Variants in MYH3 observed in about 807,000 individuals in gnomAD.
MYH3 encodes myosin heavy chain 3, also known as myosin-3.
MYH3 carries 130 observed loss-of-function variants against 238.0 expected under a neutral mutation model. That is an observed-to-expected ratio of 0.55 (90% confidence interval 0.47 to 0.63). The LOEUF (loss-of-function observed/expected upper bound fraction) is 0.63, where lower values mean the gene tolerates loss of function less well. Ranked by LOEUF, MYH3 falls within the 30% of genes least tolerant of loss-of-function variation. The pLI is 0.00. For synonymous variants in MYH3, 880 were observed against 924.1 expected (o/e 0.95, Z 0.86); for missense variants, 1,853 against 2,374.9 (o/e 0.78, Z 4.57).
rs1259622357 is a variant in MYH3 at position 10,639,003 on chromosome 17, C to T, written c.3249-40G>A. The T allele has an allele frequency of 4.3e-6, 7 of 1,614,030 alleles. No individual in the cohort carries two copies. In the African/African-American group the frequency reaches 9.3e-5, roughly 22 times the overall value. On this transcript the variant is annotated intron_variant, in intron 25 of 40. Coordinates refer to ENST00000583535, the MANE Select transcript of MYH3 (RefSeq NM_002470.4). ...GTAGAATGCATGAAGACAAAATACA[C>T]AGTAACTTGCAAAATGGAAGCCAGT...
In MYH3 at chr17:10,644,442, A is replaced by G. The variant is rs138736767; in HGVS notation, c.1319T>C (p.Met440Thr). 2 of 1,614,086 alleles carry G rather than the reference A, an allele frequency of 1.2e-6. No individual in the cohort carries two copies. The highest frequency in any genetic ancestry group is 1.7e-6 in the Non-Finnish European group (2 of 1,179,908). The change falls in exon 14 of 41, where the codon ATG (methionine) becomes ACG (threonine). Residue 440 changes from methionine (M) to threonine (T), a missense_variant. By Grantham distance (81) the Met-to-Thr change is moderately conservative (BLOSUM62 -1). Coordinates refer to ENST00000583535, the MANE Select transcript of MYH3 (RefSeq NM_002470.4). ...KSVYEKLFLWMVTRINQQLDT... is the reference protein window; with the variant it reads ...KSVYEKLFLWTVTRINQQLDT... Reference sequence around the variant, plus strand: ...CAGTTGCTGGTTAATGCGAGTGACCATCCACAAGAACAACTTTTCATAAAC... The same window carrying G: ...CAGTTGCTGGTTAATGCGAGTGACCGTCCACAAGAACAACTTTTCATAAAC...
In MYH3 at chr17:10,642,138, C is replaced by A; in HGVS notation, c.1959+102G>T. 9.1e-7 allele frequency: 1 copy of A among 1,095,608 alleles called. No individual in the cohort carries two copies. Among genetic ancestry groups the A allele is most frequent in the Non-Finnish European group, 1.4e-6 (1 of 729,316 alleles). 67.9% of individuals were successfully genotyped at this position (1,095,608 alleles called of 1,614,324 possible). A position where few individuals can be genotyped will look rare whatever the true frequency, so the allele number is the denominator to read the frequency against. The stretch of plus-strand genomic sequence containing the variant: ...CTCAGTGACAGTAATCAGATTAAGA[C>A]AACACTACTACTCTCAAATAAATCA... On this transcript the variant is annotated intron_variant, in intron 17 of 40. Transcript: ENST00000583535. The surrounding 1 kb of genome is among the most constrained non-coding windows in gnomAD (Gnocchi z 5.4).
chr17:10,650,438 T>C (rs1234551457), intron 5 of MYH3, 37 bp from the exon 6 acceptor site: 20 of 1,592,494 alleles, frequency 1.3e-5, no homozygotes, highest in African/African-American at 2.7e-5. Context: ...TTGATGGCAA[T>C]AGAAAAAGAG....
In MYH3 at chr17:10,639,081, C is replaced by G. The variant is rs767803243; in HGVS notation, c.3211G>C (p.Glu1071Gln). The change falls in exon 25 of 41, where the codon GAG becomes CAG. Residue 1071 changes from glutamate to glutamine, a missense_variant. Glu to Gln is a conservative substitution (Grantham distance 29). Transcript: ENST00000583535. Reference protein sequence around the residue: ...KLAQESILDLENDKQQLDERL... With the variant: ...KLAQESILDLQNDKQQLDERL... ...TCGTCCAGCTGTTGCTTGTCATTCT[C>G]CAGATCTAATATGGACTCTTGAGCA... is the stretch of plus-strand genomic sequence containing the variant. 1.2e-6 allele frequency: 2 copies of G among 1,614,204 alleles called. No homozygotes were observed. The highest frequency in any genetic ancestry group is 1.7e-6 in the Non-Finnish European group (2 of 1,180,024).
chr17:10,666,954 A>C, the MYH3 span, among the ~76,000 whole-genome samples: 1 of 152,222 alleles, frequency 6.6e-6, no homozygotes, highest in Non-Finnish European at 1.5e-5. Context: ...AATGATACAC[A>C]GAAGGGCTTT....
Position 10,631,611 on chromosome 17 carries a change from G to C in MYH3, c.5286C>G (p.Asp1762Glu), listed in dbSNP as rs552501098. The stretch of plus-strand genomic sequence containing the variant: ...GGGCAGCAGGAAGGAGACGCCTTAC[G>C]TCCGTGATGGCCTTCTTGGCCTTCT... Reference protein sequence around the residue: ...AEEKAKKAITDAAMMAEELKK... With the variant: ...AEEKAKKAITEAAMMAEELKK... The change falls in exon 36 of 41, where the codon GAC becomes GAG. Residue 1762 changes from aspartate (D) to glutamate (E), a missense_variant and splice_region_variant. Transcript: ENST00000583535. 8.7e-6 allele frequency: 14 copies of C among 1,614,170 alleles called. No individual in the cohort carries two copies. In the East Asian group the frequency reaches 8.9e-5, roughly 10 times the overall value.
At chr17:10,629,038 T>C (rs578242085) in intron 40 of MYH3, among the ~76,000 whole-genome samples, 96 of 152,156 alleles carry the variant, frequency 6.3e-4, no homozygotes, top group Non-Finnish European at 1.3e-3. Flanking sequence ...TTTTGTTTTG[T>C]TGGGATACAT....
Position 10,642,204 on chromosome 17 carries a change from A to G in MYH3, c.1959+36T>C. Reference sequence around the variant, plus strand: ...CATTGCTCATTTAGATGTCACTTAAATCAATTATAAGCAAATAAACTTGTA... The same window carrying G: ...CATTGCTCATTTAGATGTCACTTAAGTCAATTATAAGCAAATAAACTTGTA... On this transcript the variant is annotated intron_variant, in intron 17 of 40. Transcript: ENST00000583535. The surrounding 1 kb of genome is among the most constrained non-coding windows in gnomAD (Gnocchi z 5.4). 6.3e-7 allele frequency: 1 copy of G among 1,578,618 alleles called. No homozygotes were observed.
rs2074280129 is a variant in MYH3, at chr17:10,642,293, T to C, written c.1906A>G (p.Lys636Glu). The C allele has an allele frequency of 1.9e-6, 3 of 1,614,066 alleles. No homozygotes were observed. Among genetic ancestry groups the C allele is most frequent in the Admixed American group, 1.7e-5 (1 of 59,996 alleles). ...GAAGAACCCTTCTTCTTGGCAACTT[T>C]CTTCTTTCCACTGTCAGCTGAAAGC... is the stretch of plus-strand genomic sequence containing the variant. ...ATADADSGKKKVAKKKGSSFQ... is the reference protein window; with the variant it reads ...ATADADSGKKEVAKKKGSSFQ... Residue 636 changes from lysine (K) to glutamate (E), a missense_variant, in exon 17 of 41, where the codon AAA becomes GAA. Around this residue, in one of 3 missense-constraint regions of MYH3, gnomAD observed 678 missense variants for 1,058.9 expected, o/e 0.64. Coordinates refer to ENST00000583535, the MANE Select transcript of MYH3 (RefSeq NM_002470.4). The surrounding 1 kb of genome is among the most constrained non-coding windows in gnomAD (Gnocchi z 5.4).
At chr17:10,644,838 A>C (rs533251917) in intron 12 of MYH3, 136 bp from the exon 13 acceptor site, 1 of 733,406 alleles carries the variant, frequency 1.4e-6, no homozygotes, top group African/African-American at 1.7e-5. Flanking sequence ...TACATGGCCA[A>C]TGGAAGCTAA....
intron 6 of MYH3, among the ~76,000 whole-genome samples, chr17:10,649,951 T>G (rs558657157): frequency 6.6e-6 from 1 of 152,108 alleles, no homozygotes; most frequent in African/African-American, 2.4e-5. Flanking sequence ...TCTTTTTATT[T>G]TTTATTTATT....
intron 28 of MYH3, 76 bp from the exon 29 acceptor site, chr17:10,635,929 C>T (rs2074211420): frequency 8.2e-6 from 10 of 1,217,214 alleles, no homozygotes; most frequent in Non-Finnish European, 1.2e-5. Context: ...GTGTAGGGCA[C>T]TGTGCTAAGA....
rs201674457 is a variant in MYH3, at chr17:10,631,749, G to A, written c.5161-13C>T. 467 of 1,614,136 alleles carry A rather than the reference G, an allele frequency of 2.9e-4. No individual in the cohort carries two copies. The highest frequency in any genetic ancestry group is 3.7e-4 in the Non-Finnish European group (436 of 1,180,030). The stretch of plus-strand genomic sequence containing the variant: ...TGAGGCTGGTGTTCTAGGGCAAGAG[G>A]AGGGCTGTTAACCAGGTGCGTATGA... On this transcript the variant is annotated splice_polypyrimidine_tract_variant and intron_variant, in intron 35 of 40. Coordinates refer to ENST00000583535, the MANE Select transcript of MYH3 (RefSeq NM_002470.4).
chr17:10,648,578 C>T lies in MYH3; in HGVS notation c.714G>A (p.Arg238=). 2.5e-6 allele frequency: 4 copies of T among 1,614,088 alleles called. No individual in the cohort carries two copies. The highest frequency in any genetic ancestry group is 3.4e-6 in the Non-Finnish European group (4 of 1,179,946). ...TCACAAAACGGGAGGAGTTGTCATT[C>T]CTCACAGTCTTGGCGTTCCCAAAGG... ...LEAFGNAKTV[R]NDNSSRFGKF... Residue 238 remains arginine, a synonymous_variant, in exon 8 of 41, where the codon AGG becomes AGA. Coordinates refer to ENST00000583535, the MANE Select transcript of MYH3 (RefSeq NM_002470.4).
chr17:10,670,344 G>A, the MYH3 span, among the ~76,000 whole-genome samples: 2 of 152,188 alleles, frequency 1.3e-5, no homozygotes, highest in Non-Finnish European at 2.9e-5. This position sits in a 1 kb window ranked among gnomAD's most constrained non-coding sequence, Gnocchi z 7.0. Flanking sequence ...CATACTTAGT[G>A]CTGTATTGTA....
chr17:10,631,718 T>C lies in MYH3; in HGVS notation c.5179A>G (p.Thr1727Ala), dbSNP rs180886846. The stretch of plus-strand genomic sequence containing the variant: ...AGGTCTGTCTCCAGCTTCTTCTTGG[T>C]GTGGATGAGGCTGGTGTTCTAGGGC... The part of the protein sequence containing the change: ...LHTQNTSLIH[T>A]KKKLETDLMQ... Residue 1727 changes from threonine (T) to alanine (A), a missense_variant, in exon 36 of 41, where the codon ACC becomes GCC. Coordinates refer to ENST00000583535, the MANE Select transcript of MYH3 (RefSeq NM_002470.4). 1.8e-5 allele frequency: 29 copies of C among 1,614,168 alleles called. No homozygotes were observed. The East Asian group carries it at 5.1e-4, about 29-fold the overall frequency.
rs564312919 is a variant in MYH3 at position 10,654,802 on chromosome 17, C to A, written c.204+59G>T. ...GCTGGGGTTGGGCAGATGCATACCC[C>A]AGGCAAGCACAAGGACCAGGTGGAG... On this transcript the variant is annotated intron_variant, in intron 3 of 40. Coordinates refer to ENST00000583535, the MANE Select transcript of MYH3 (RefSeq NM_002470.4). The surrounding 1 kb of genome is among the most constrained non-coding windows in gnomAD (Gnocchi z 4.5). 3.9e-6 allele frequency: 6 copies of A among 1,532,018 alleles called. No individual in the cohort carries two copies. The highest frequency in any genetic ancestry group is 5.4e-6 in the Non-Finnish European group (6 of 1,105,358). 94.9% of individuals were successfully genotyped at this position (1,532,018 alleles called of 1,614,324 possible). A position where few individuals can be genotyped will look rare whatever the true frequency, so the allele number is the denominator to read the frequency against.
intron 7 of MYH3, 34 bp from the exon 8 acceptor site, chr17:10,648,683 AT>A (rs3214114): frequency 4.7e-5 from 66 of 1,395,582 alleles, no homozygotes; most frequent in African/African-American, 9.6e-5. Context: ...AAGAGGAAAC[AT>A]TTTTTTTTGA....
At chr17:10,670,860 T>G in the MYH3 span, among the ~76,000 whole-genome samples, 2 of 152,146 alleles carry the variant, frequency 1.3e-5, no homozygotes, top group Non-Finnish European at 2.9e-5. This position sits in a 1 kb window ranked among gnomAD's most constrained non-coding sequence, Gnocchi z 7.0. Context: ...CACTTATGAA[T>G]GTACCACTGT....
Sources: gnomAD v4.1 joint callset for allele counts (sites outside exome capture counted in the v4.1 genomes callset) on GRCh38, gnomAD v4.1.1 for gene constraint, gnomAD v4.1.1 regional missense constraint, Gnocchi (gnomAD v3.1) non-coding constraint, MANE v1.5 for transcripts, NCBI Gene and HGNC (gene_info 2026-07-23, HGNC 2026-07-21) for gene names.